EXOC6B: variants seen among roughly 807,000 people sequenced by gnomAD.
The protein encoded by EXOC6B is SEC15 homolog B.
In EXOC6B, 54 loss-of-function variants were observed where a neutral mutation model predicts 113.5. The observed-to-expected ratio is 0.48, with a 90% confidence interval of 0.38 to 0.60. The LOEUF is 0.60. Among genes scored for constraint, EXOC6B ranks in the 20% least tolerant of loss-of-function variants. The probability of loss-of-function intolerance (pLI) is 0.00; values close to 1 mark genes in which losing one functional copy is unlikely to be tolerated. For synonymous variants in EXOC6B, 357 were observed against 339.0 expected (o/e 1.05, Z -0.58); for missense variants, 797 against 977.5 (o/e 0.82, Z 2.46).
chr2:72,674,915 GTAAC>G (rs1318474238), intron 6 of EXOC6B, among the ~76,000 whole-genome samples: 1 of 152,204 alleles, frequency 6.6e-6, no homozygotes, highest in Non-Finnish European at 1.5e-5. Context: ...CAGTGTCAAT[GTAAC>G]TAAGCTGTGC....
At chr2:72,278,906 A>G (rs11694921) in intron 20 of EXOC6B, among the ~76,000 whole-genome samples, 55,125 of 151,958 alleles carry the variant, frequency 0.36, 12,947 homozygotes, top group African/African-American at 0.67. Context: ...AATATCCACA[A>G]GGCTCAAGGA....
intron 20 of EXOC6B, among the ~76,000 whole-genome samples, chr2:72,226,280 G>C (rs1681232027): frequency 6.6e-6 from 1 of 152,178 alleles, no homozygotes; most frequent in Non-Finnish European, 1.5e-5. Flanking sequence ...TTAGTTAATA[G>C]TAATATATCA....
At chr2:72,287,888 T>C (rs1558524082) in intron 20 of EXOC6B, among the ~76,000 whole-genome samples, 1 of 152,186 alleles carries the variant, frequency 6.6e-6, no homozygotes, top group African/African-American at 2.4e-5. Flanking sequence ...GTAAGGCCAA[T>C]CTTACGTAAA....
intron 18 of EXOC6B, among the ~76,000 whole-genome samples, chr2:72,421,010 T>C (rs1347758886): frequency 1.3e-5 from 2 of 152,234 alleles, no homozygotes; most frequent in East Asian, 1.9e-4. Context: ...TTTTTTCATA[T>C]GTTTGTTGGC....
chr2:72,423,762 TAC>T (rs1055413724), intron 18 of EXOC6B, among the ~76,000 whole-genome samples: 4 of 152,100 alleles, frequency 2.6e-5, no homozygotes, highest in Non-Finnish European at 1.5e-5. Context: ...CACACATACA[TAC>T]ACACATGCAC....
intron 18 of EXOC6B, among the ~76,000 whole-genome samples, chr2:72,459,893 G>T (rs1456666094): frequency 4.6e-5 from 7 of 152,050 alleles, no homozygotes; most frequent in Non-Finnish European, 1.0e-4. Context: ...AGCCCACATC[G>T]CCAAGTCAAT....
intron 20 of EXOC6B, among the ~76,000 whole-genome samples, chr2:72,314,793 A>G (rs1687412976): frequency 6.6e-6 from 1 of 152,218 alleles, no homozygotes; most frequent in African/African-American, 2.4e-5. Context: ...TTTATTAACC[A>G]CTTAGTACTT....
intron 16 of EXOC6B, among the ~76,000 whole-genome samples, chr2:72,480,951 A>G (rs1699050290): frequency 6.6e-6 from 1 of 152,142 alleles, no homozygotes; most frequent in Admixed American, 6.5e-5. Context: ...TTGTGTCCCC[A>G]CCCAAATCTC....
Position 72,495,471 on chromosome 2 carries a change from A to G in EXOC6B, c.1512T>C (p.Phe504=). The G allele has an allele frequency of 1.9e-6, 3 of 1,607,904 alleles. No homozygotes were observed. Among genetic ancestry groups the G allele is most frequent in the Non-Finnish European group, 2.5e-6 (3 of 1,176,606 alleles). Residue 504 remains phenylalanine (F), a synonymous_variant, in exon 15 of 22, where the codon TTT becomes TTC. Coordinates refer to ENST00000272427, the MANE Select transcript of EXOC6B (RefSeq NM_015189.3). ...CTGAAAACTTCAGACAAGCGTAGAT[A>G]AATTCTTTAATTTGGTTGTAAACTT... ...VPKVYNQIKE[F]IYACLKFSED... is the part of the protein sequence containing the mutation.
At chr2:72,779,909 G>C (rs1195291882) in intron 1 of EXOC6B, among the ~76,000 whole-genome samples, 1 of 152,186 alleles carries the variant, frequency 6.6e-6, no homozygotes, top group Non-Finnish European at 1.5e-5. Context: ...CGGAGGGAGA[G>C]AAGACACAGA....
chr2:72,355,475 A>T (rs904070354), intron 19 of EXOC6B, among the ~76,000 whole-genome samples: 2 of 152,240 alleles, frequency 1.3e-5, no homozygotes, highest in Non-Finnish European at 2.9e-5. Flanking sequence ...TCCATTAACC[A>T]GTCGAACAAG....
At chr2:72,225,459 T>C (rs570942789) in intron 20 of EXOC6B, among the ~76,000 whole-genome samples, 35 of 152,338 alleles carry the variant, frequency 2.3e-4, no homozygotes, top group South Asian at 8.3e-4. Flanking sequence ...AAAATCATTA[T>C]TGGAATGAGA....
intron 7 of EXOC6B, among the ~76,000 whole-genome samples, chr2:72,565,139 C>T (rs1009938185): frequency 1.3e-5 from 2 of 151,882 alleles, no homozygotes; most frequent in African/African-American, 4.8e-5. Flanking sequence ...TCGCTTGAGC[C>T]CAGGAGTTCA....
intron 6 of EXOC6B, among the ~76,000 whole-genome samples, chr2:72,614,615 T>A (rs1480276407): frequency 6.6e-6 from 1 of 152,158 alleles, no homozygotes; most frequent in Non-Finnish European, 1.5e-5. Flanking sequence ...AGTAATTAAT[T>A]ATATTTCTAG....
At chr2:72,823,900 G>T (rs1305288125) in intron 1 of EXOC6B, among the ~76,000 whole-genome samples, 1 of 152,076 alleles carries the variant, frequency 6.6e-6, no homozygotes, top group Non-Finnish European at 1.5e-5. Flanking sequence ...ATTATATTTG[G>T]TATTATAAGT....
At chr2:72,714,039 T>C (rs1294560164) in intron 6 of EXOC6B, among the ~76,000 whole-genome samples, 1 of 152,220 alleles carries the variant, frequency 6.6e-6, no homozygotes, top group Non-Finnish European at 1.5e-5. Flanking sequence ...TTTCCCCTTC[T>C]GTGGTACCCT....
chr2:72,547,163 T>C (rs1030557283), intron 8 of EXOC6B, among the ~76,000 whole-genome samples: 14 of 152,234 alleles, frequency 9.2e-5, no homozygotes, highest in African/African-American at 2.9e-4. Flanking sequence ...GATAGAGCCT[T>C]TGTAATAATG....
chr2:72,795,002 T>C (rs959894879), intron 1 of EXOC6B, among the ~76,000 whole-genome samples: 1 of 152,180 alleles, frequency 6.6e-6, no homozygotes. Flanking sequence ...TAACAATTAG[T>C]ACAGTGTGGC....
At chr2:72,518,374 T>C (rs1427731153) in intron 8 of EXOC6B, among the ~76,000 whole-genome samples, 1 of 152,196 alleles carries the variant, frequency 6.6e-6, no homozygotes, top group East Asian at 1.9e-4. Flanking sequence ...TACCATGTGA[T>C]TGGCACACTG....
Sources: gnomAD v4.1 joint callset for allele counts (sites outside exome capture counted in the v4.1 genomes callset) on GRCh38, gnomAD v4.1.1 for gene constraint, MANE v1.5 for transcripts, NCBI Gene and HGNC (gene_info 2026-07-23, HGNC 2026-07-21) for gene names.